RRAGC: variants seen among roughly 807,000 people sequenced by gnomAD.
The protein encoded by RRAGC is Ras related GTP binding C, also known as ras-related GTP-binding protein C.
Under a neutral mutation model 37.1 loss-of-function variants are expected in RRAGC, and 8 were observed. The ratio of observed to expected loss-of-function variants is 0.22; its 90% confidence interval spans 0.13 to 0.39. The LOEUF (loss-of-function observed/expected upper bound fraction) is 0.39. Ranked by LOEUF, RRAGC falls within the 10% of genes least tolerant of loss-of-function variation. RRAGC has a pLI of 1.00. For missense variants in RRAGC, 342 were observed against 497.6 expected, an observed-to-expected ratio of 0.69 and a Z score of 2.98; for synonymous variants, 190 against 181.1, an observed-to-expected ratio of 1.05 and a Z score of -0.39.
At chr1:38,850,470 C>CGCCACCACACTCCAGCCTGG (rs1553153841) in intron 5 of RRAGC, among the ~76,000 whole-genome samples, 1 of 151,706 alleles carries the variant, frequency 6.6e-6, no homozygotes, top group Admixed American at 6.6e-5. Context: ...GCCAAGATCG[C>CGCCACCACACTCCAGCCTGG]GCCACCACAC....
At chr1:38,859,312 G>A (rs1200104664) in intron 1 of RRAGC, 98 bp downstream of exon 1, 3 of 1,113,950 alleles carry the variant, frequency 2.7e-6, no homozygotes, top group Middle Eastern at 5.9e-4. Context: ...GAGGGACGGA[G>A]CGCAGGCGGG....
chr1:38,859,325 C>T (rs1642206091), intron 1 of RRAGC, 85 bp downstream of exon 1: 1 of 1,291,258 alleles, frequency 7.7e-7, no homozygotes, highest in Non-Finnish European at 1.1e-6. Context: ...CAGGCGGGCC[C>T]CGGCCGCCGC....
chr1:38,854,065 CTTTTTTTTTT>C lies in RRAGC; in HGVS notation c.642-1587_642-1578del, dbSNP rs58058501. Among the ~76,000 whole-genome samples, 22 of 74,820 alleles carry C rather than the reference CTTTTTTTTTT, an allele frequency of 2.9e-4. No homozygotes were observed. The Admixed American group carries it at 3.3e-3, about 11-fold the overall frequency. The allele number at this position is 74,820 out of a possible 152,430, so 49.1% of individuals were successfully genotyped here. On this transcript the variant is annotated intron_variant, in intron 3 of 6. Coordinates refer to ENST00000373001, the MANE Select transcript of RRAGC (RefSeq NM_022157.4). ...AGGACTGCTAGTACTAAATAAAAGT[CTTTTTTTTTT>C]TTTTTTTTTTGAGACGGAGTCTTGC... is the stretch of plus-strand genomic sequence containing the variant.
At chr1:38,840,982 G>A (rs1296517660) in intron 6 of RRAGC, among the ~76,000 whole-genome samples, 1 of 152,140 alleles carries the variant, frequency 6.6e-6, no homozygotes, top group Non-Finnish European at 1.5e-5. Context: ...TAATTTTGTT[G>A]TTTATTGTTT....
intron 3 of RRAGC, among the ~76,000 whole-genome samples, chr1:38,852,956 C>T (rs1013008509): frequency 3.9e-5 from 6 of 152,168 alleles, no homozygotes; most frequent in African/African-American, 1.4e-4. Context: ...GGCTTTCAAC[C>T]CCTTTCCCCT....
Position 38,846,047 on chromosome 1 carries a change from A to G in RRAGC, c.940T>C (p.Ser314Pro). Residue 314 changes from serine to proline, a missense_variant, in exon 6 of 7, where the codon TCT becomes CCT. By Grantham distance (74) the Ser-to-Pro change is moderately conservative (BLOSUM62 -1). Coordinates refer to ENST00000373001, the MANE Select transcript of RRAGC (RefSeq NM_022157.4). ...DGSGSAYDKESMAIIKLNNTT... is the reference protein window; with the variant it reads ...DGSGSAYDKEPMAIIKLNNTT... ...TTATTCAGCTTGATAATTGCCATAG[A>G]TTCTTTGTCATAAGCACTTCCACTT... 1.2e-6 allele frequency: 2 copies of G among 1,611,144 alleles called. No individual in the cohort carries two copies. The highest frequency in any genetic ancestry group is 1.7e-6 in the Non-Finnish European group (2 of 1,178,120).
At chr1:38,845,833 T>C in intron 6 of RRAGC, 106 bp downstream of exon 6, 1 of 886,632 alleles carries the variant, frequency 1.1e-6, no homozygotes, top group Non-Finnish European at 1.7e-6. Context: ...TTTTTTCTGA[T>C]AGCTATTTGT....
intron 6 of RRAGC, among the ~76,000 whole-genome samples, chr1:38,840,720 A>G (rs1641953527): frequency 6.6e-6 from 1 of 151,610 alleles, no homozygotes; most frequent in Admixed American, 6.6e-5. Context: ...GGAAGACAGG[A>G]AAAAAAAATG....
At chr1:38,843,464 C>A (rs1641988707) in intron 6 of RRAGC, among the ~76,000 whole-genome samples, 1 of 152,044 alleles carries the variant, frequency 6.6e-6, no homozygotes, top group Non-Finnish European at 1.5e-5. Flanking sequence ...CTCACTCCTG[C>A]AATCCCAGCA....
intron 3 of RRAGC, among the ~76,000 whole-genome samples, chr1:38,853,814 A>G (rs1227287013): frequency 6.6e-6 from 1 of 152,092 alleles, no homozygotes; most frequent in Non-Finnish European, 1.5e-5. Flanking sequence ...ACAGGGGTCT[A>G]ATCTAGATGT....
At chr1:38,844,023 GA>G (rs1303995308) in intron 6 of RRAGC, among the ~76,000 whole-genome samples, 1 of 152,120 alleles carries the variant, frequency 6.6e-6, no homozygotes, top group Non-Finnish European at 1.5e-5. Context: ...CAGATTTGGT[GA>G]AAATTCAATA....
rs1641909062 is a variant in RRAGC, at chr1:38,838,388, C to T, written c.*1165G>A. On this transcript the variant is annotated 3_prime_UTR_variant, in exon 7 of 7. Transcript: ENST00000373001. ...ACCTGAATATACATATTGCATTAAA[C>T]AGTGGCACTTATGTACTCAAGTGGT... The T allele has an allele frequency of 6.6e-6, 1 of 152,232 alleles. No individual in the cohort carries two copies. Among genetic ancestry groups the T allele is most frequent in the Non-Finnish European group, 1.5e-5 (1 of 68,042 alleles). 9.4% of individuals were successfully genotyped at this position (152,232 alleles called of 1,614,324 possible). A position where few individuals can be genotyped will look rare whatever the true frequency, so the allele number is the denominator to read the frequency against.
chr1:38,844,841 A>C (rs978572172), intron 6 of RRAGC, among the ~76,000 whole-genome samples: 4 of 152,382 alleles, frequency 2.6e-5, no homozygotes, highest in African/African-American at 9.6e-5. Flanking sequence ...TCTCAAAAGA[A>C]GACATTTATG....
chr1:38,845,465 A>C (rs1159297355), intron 6 of RRAGC, among the ~76,000 whole-genome samples: 1 of 152,028 alleles, frequency 6.6e-6, no homozygotes, highest in Non-Finnish European at 1.5e-5. Context: ...ATCACACACC[A>C]GGGCCTGTCA....
At chr1:38,844,904 C>G (rs931908154) in intron 6 of RRAGC, among the ~76,000 whole-genome samples, 2 of 152,116 alleles carry the variant, frequency 1.3e-5, no homozygotes, top group African/African-American at 4.8e-5. Context: ...TTAGAGAAAT[C>G]CAAATCAAAA....
At chr1:38,844,413 A>G (rs1484183653) in intron 6 of RRAGC, among the ~76,000 whole-genome samples, 1 of 151,208 alleles carries the variant, frequency 6.6e-6, no homozygotes, top group Non-Finnish European at 1.5e-5. Context: ...AAAATACGCA[A>G]GCAGAAAGAC....
In RRAGC at chr1:38,845,975, C is replaced by T. The variant is rs1326186290; in HGVS notation, c.1012G>A (p.Val338Ile). Residue 338 changes from valine to isoleucine, a missense_variant, in exon 6 of 7, where the codon GTC becomes ATC. Around this residue, in one of 3 missense-constraint regions of RRAGC, gnomAD observed 104 missense variants for 127.0 expected, o/e 0.82. Coordinates refer to ENST00000373001, the MANE Select transcript of RRAGC (RefSeq NM_022157.4). ...AAGCTTTCTTCCCTTAGAATGCAGA[C>T]CAGTGCCAAAAATTTAGTCACCTCC... The part of the protein sequence containing the change: ...LKEVTKFLAL[V>I]CILREESFER... 6.2e-7 allele frequency: 1 copy of T among 1,613,218 alleles called. No individual in the cohort carries two copies. Among genetic ancestry groups the T allele is most frequent in the Non-Finnish European group, 8.5e-7 (1 of 1,179,576 alleles).
intron 3 of RRAGC, among the ~76,000 whole-genome samples, chr1:38,854,737 G>T (rs947730195): frequency 9.9e-5 from 15 of 152,128 alleles, no homozygotes; most frequent in African/African-American, 2.9e-4. Context: ...TTTCGACATG[G>T]TTTCCTAGAA....
At chr1:38,851,454 C>T (rs983258547) in intron 5 of RRAGC, 161 bp downstream of exon 5, 2 of 548,950 alleles carry the variant, frequency 3.6e-6, no homozygotes, top group Admixed American at 7.8e-5. Context: ...CAGCAGCCAA[C>T]TTCCAGAGAA....
Sources: gnomAD v4.1 joint callset for allele counts (sites outside exome capture counted in the v4.1 genomes callset) on GRCh38, gnomAD v4.1.1 for gene constraint, gnomAD v4.1.1 regional missense constraint, MANE v1.5 for transcripts, NCBI Gene and HGNC (gene_info 2026-07-23, HGNC 2026-07-21) for gene names.